Variants in CIMIP6 observed in about 807,000 individuals in gnomAD.
The protein encoded by CIMIP6 is ciliary microtubule inner protein 6.
chr2:54,360,213 C>A, the CIMIP6 span: 3 of 1,576,330 alleles, frequency 1.9e-6, no homozygotes, highest in Admixed American at 1.9e-5. Flanking sequence ...AGACACGGAG[C>A]TTTTGTACAG....
chr2:54,353,944 A>G, the CIMIP6 span, among the ~76,000 whole-genome samples: 1 of 152,170 alleles, frequency 6.6e-6, no homozygotes. Context: ...TTAGGTAAAG[A>G]AAGTTTTCTC....
At chr2:54,334,646 G>C in the CIMIP6 span, among the ~76,000 whole-genome samples, 3 of 152,104 alleles carry the variant, frequency 2.0e-5, no homozygotes, top group Admixed American at 6.5e-5. Flanking sequence ...ATATGATTTA[G>C]AATTAGAAAA....
chr2:54,360,362 G>T, the CIMIP6 span: 7 of 1,610,428 alleles, frequency 4.3e-6, no homozygotes, highest in East Asian at 4.5e-5. Flanking sequence ...GATCTCACCA[G>T]GTCTCTGCCA....
the CIMIP6 span, among the ~76,000 whole-genome samples, chr2:54,331,723 T>C: frequency 6.6e-6 from 1 of 151,370 alleles, no homozygotes; most frequent in Non-Finnish European, 1.5e-5. Context: ...GGCTCAATAA[T>C]CTGGCTTCAA....
At chr2:54,363,631 T>C in the CIMIP6 span, among the ~76,000 whole-genome samples, 1 of 152,016 alleles carries the variant, frequency 6.6e-6, no homozygotes, top group Admixed American at 6.6e-5. Context: ...TAGTAATATC[T>C]TTCAAAATTT....
At chr2:54,335,100 C>A in the CIMIP6 span, 1 of 1,175,170 alleles carries the variant, frequency 8.5e-7, no homozygotes, top group Non-Finnish European at 1.2e-6. Flanking sequence ...TGGTCACAGA[C>A]TATAAAGGAT....
the CIMIP6 span, among the ~76,000 whole-genome samples, chr2:54,349,193 C>A: frequency 6.6e-6 from 1 of 152,042 alleles, no homozygotes; most frequent in Non-Finnish European, 1.5e-5. Context: ...CAAAATGTAA[C>A]AACAATTTTT....
chr2:54,382,963 G>A, the CIMIP6 span: 1 of 152,112 alleles, frequency 6.6e-6, no homozygotes, highest in African/African-American at 2.4e-5. Flanking sequence ...TCTGAGACTA[G>A]ATCATAAAAG....
the CIMIP6 span, among the ~76,000 whole-genome samples, chr2:54,332,736 T>C: frequency 6.6e-6 from 1 of 152,222 alleles, no homozygotes; most frequent in African/African-American, 2.4e-5. Context: ...TTCAAGGACT[T>C]GATCACTACA....
At chr2:54,380,932 C>T in the CIMIP6 span, among the ~76,000 whole-genome samples, 8 of 152,174 alleles carry the variant, frequency 5.3e-5, no homozygotes, top group East Asian at 1.9e-4. Flanking sequence ...TCCTTGACTA[C>T]GGGTTAAGAA....
At chr2:54,367,240 A>T in the CIMIP6 span, among the ~76,000 whole-genome samples, 5 of 152,274 alleles carry the variant, frequency 3.3e-5, no homozygotes, top group East Asian at 9.6e-4. Flanking sequence ...AGTAAATCAC[A>T]CTGATTAACC....
At chr2:54,373,849 C>A in the CIMIP6 span, among the ~76,000 whole-genome samples, 3 of 152,192 alleles carry the variant, frequency 2.0e-5, no homozygotes, top group East Asian at 1.9e-4. Context: ...CTCTTCCCTG[C>A]ACCTGTTATT....
chr2:54,378,205 G>C, the CIMIP6 span, among the ~76,000 whole-genome samples: 1 of 152,184 alleles, frequency 6.6e-6, no homozygotes, highest in South Asian at 2.1e-4. Flanking sequence ...TTCTTAATTA[G>C]AGTTGCCATT....
At chr2:54,335,144 C>T in the CIMIP6 span, 1 of 761,728 alleles carries the variant, frequency 1.3e-6, no homozygotes, top group Non-Finnish European at 2.0e-6. Flanking sequence ...TATCATAATC[C>T]AATAGTTAAA....
At chr2:54,355,790 C>T in the CIMIP6 span, among the ~76,000 whole-genome samples, 6 of 151,782 alleles carry the variant, frequency 4.0e-5, no homozygotes, top group South Asian at 2.1e-4. Context: ...TGTTCTTGTT[C>T]GTATTAACAA....
the CIMIP6 span, among the ~76,000 whole-genome samples, chr2:54,375,285 A>T: frequency 1.3e-5 from 2 of 152,242 alleles, no homozygotes; most frequent in African/African-American, 2.4e-5. Flanking sequence ...TAAAAGTTTT[A>T]TATAAAGAGC....
the CIMIP6 span, chr2:54,359,028 A>G: frequency 1.9e-6 from 3 of 1,554,586 alleles, no homozygotes; most frequent in East Asian, 4.8e-5. Context: ...TCTTTTATAC[A>G]TCAATATGAT....
At chr2:54,367,533 T>G in the CIMIP6 span, among the ~76,000 whole-genome samples, 1 of 152,044 alleles carries the variant, frequency 6.6e-6, no homozygotes, top group South Asian at 2.1e-4. Context: ...TTATTGGTAA[T>G]TGGGTATTTG....
the CIMIP6 span, among the ~76,000 whole-genome samples, chr2:54,354,496 G>C: frequency 6.1e-4 from 92 of 152,032 alleles, 1 homozygote; most frequent in African/African-American, 2.0e-3. Flanking sequence ...TCTACTTTTA[G>C]GTCTTTAACA....
Sources: gnomAD v4.1 joint callset for allele counts (sites outside exome capture counted in the v4.1 genomes callset) on GRCh38, gnomAD v4.1.1 for gene constraint, MANE v1.5 for transcripts, NCBI Gene and HGNC (gene_info 2026-07-23, HGNC 2026-07-21) for gene names.